AKAP19: variants seen among roughly 807,000 people sequenced by gnomAD.
The protein encoded by AKAP19 is small A-kinase anchoring protein.
chr2:189,995,894 AT>A, the AKAP19 span, among the ~76,000 whole-genome samples: 3 of 152,026 alleles, frequency 2.0e-5, no homozygotes, highest in Non-Finnish European at 4.4e-5. Context: ...GCTGACAATT[AT>A]TTTGTTTGAG....
the AKAP19 span, among the ~76,000 whole-genome samples, chr2:189,983,964 T>C: frequency 3.3e-5 from 5 of 152,044 alleles, no homozygotes; most frequent in African/African-American, 1.2e-4. Flanking sequence ...TTAGGAATTT[T>C]CAAAAGGGGA....
At chr2:190,072,002 A>T in the AKAP19 span, among the ~76,000 whole-genome samples, 33 of 152,336 alleles carry the variant, frequency 2.2e-4, no homozygotes, top group Non-Finnish European at 4.3e-4. Context: ...GAACGATTTA[A>T]TAAAAATACA....
chr2:189,947,886 C>G, the AKAP19 span, among the ~76,000 whole-genome samples: 4 of 151,888 alleles, frequency 2.6e-5, no homozygotes, highest in African/African-American at 9.7e-5. Context: ...GATGGCAGAC[C>G]AATAATATTA....
At chr2:189,923,716 A>T in the AKAP19 span, 2 of 1,613,836 alleles carry the variant, frequency 1.2e-6, no homozygotes, top group South Asian at 2.2e-5. Context: ...ACAGTTACCC[A>T]GCACGTGTAC....
the AKAP19 span, among the ~76,000 whole-genome samples, chr2:189,977,809 A>G: frequency 6.6e-6 from 1 of 152,202 alleles, no homozygotes; most frequent in Admixed American, 6.5e-5. Context: ...ACACATACAC[A>G]TATTTACAAA....
At chr2:190,060,115 C>T in the AKAP19 span, 1 of 1,612,896 alleles carries the variant, frequency 6.2e-7, no homozygotes, top group South Asian at 1.1e-5. Flanking sequence ...TGACCATTCT[C>T]ATCTAAAGCT....
At chr2:189,913,417 C>G in the AKAP19 span, among the ~76,000 whole-genome samples, 4 of 152,090 alleles carry the variant, frequency 2.6e-5, 1 homozygote, top group Admixed American at 2.0e-4. Context: ...TATTAAATTA[C>G]TAGAATAGTT....
At chr2:189,918,551 A>G in the AKAP19 span, among the ~76,000 whole-genome samples, 2 of 152,192 alleles carry the variant, frequency 1.3e-5, no homozygotes, top group African/African-American at 2.4e-5. Context: ...TAACACTCAT[A>G]CATTACTGGT....
At chr2:190,047,400 C>T in the AKAP19 span, among the ~76,000 whole-genome samples, 2 of 152,240 alleles carry the variant, frequency 1.3e-5, no homozygotes, top group African/African-American at 4.8e-5. Flanking sequence ...TGTGAACTCC[C>T]AGTCCAGCGG....
At chr2:189,904,512 G>A in the AKAP19 span, among the ~76,000 whole-genome samples, 1 of 151,972 alleles carries the variant, frequency 6.6e-6, no homozygotes, top group Admixed American at 6.6e-5. Context: ...AAAAGGGTAC[G>A]TTACTGGATT....
At chr2:189,887,701 T>C in the AKAP19 span, among the ~76,000 whole-genome samples, 7 of 152,356 alleles carry the variant, frequency 4.6e-5, no homozygotes, top group South Asian at 2.1e-4. Flanking sequence ...GCTTTTCATT[T>C]GCATTTCTCT....
At chr2:190,000,955 T>C in the AKAP19 span, among the ~76,000 whole-genome samples, 1 of 152,176 alleles carries the variant, frequency 6.6e-6, no homozygotes, top group Non-Finnish European at 1.5e-5. Flanking sequence ...TACATGTATA[T>C]TAGTATAGCT....
At chr2:189,943,130 A>G in the AKAP19 span, among the ~76,000 whole-genome samples, 2 of 152,178 alleles carry the variant, frequency 1.3e-5, no homozygotes, top group African/African-American at 4.8e-5. Context: ...AAAAGGCCTC[A>G]AAGACATTTC....
the AKAP19 span, among the ~76,000 whole-genome samples, chr2:190,165,587 C>T: frequency 6.6e-5 from 10 of 151,950 alleles, no homozygotes; most frequent in African/African-American, 2.4e-4. Flanking sequence ...TTTCAATTTA[C>T]AGAAATTATT....
chr2:190,084,300 C>T, the AKAP19 span, among the ~76,000 whole-genome samples: 1 of 151,950 alleles, frequency 6.6e-6, no homozygotes, highest in African/African-American at 2.4e-5. Context: ...ACCATGTTGG[C>T]CAGGCTGGTT....
chr2:190,089,581 T>C, the AKAP19 span: 1 of 152,170 alleles, frequency 6.6e-6, no homozygotes, highest in African/African-American at 2.4e-5. Flanking sequence ...GAAGCCAGAA[T>C]AGACTAGTTC....
chr2:189,959,425 C>T, the AKAP19 span, among the ~76,000 whole-genome samples: 1 of 152,036 alleles, frequency 6.6e-6, no homozygotes, highest in Non-Finnish European at 1.5e-5. Flanking sequence ...TTATTCTTTG[C>T]CATAATTCTT....
At chr2:190,054,026 T>C in the AKAP19 span, among the ~76,000 whole-genome samples, 1 of 152,112 alleles carries the variant, frequency 6.6e-6, no homozygotes. Context: ...TGTTTTGCAA[T>C]TCAGTTTGAA....
the AKAP19 span, among the ~76,000 whole-genome samples, chr2:190,094,981 T>C: frequency 1.3e-5 from 2 of 152,128 alleles, no homozygotes; most frequent in Non-Finnish European, 2.9e-5. Context: ...TCCCAGCACT[T>C]TGAGAGGCCG....
Sources: gnomAD v4.1 joint callset for allele counts (sites outside exome capture counted in the v4.1 genomes callset) on GRCh38, gnomAD v4.1.1 for gene constraint, MANE v1.5 for transcripts, NCBI Gene and HGNC (gene_info 2026-07-23, HGNC 2026-07-21) for gene names.